The following COMMD10 variants were observed in gnomAD, a reference collection of about 807,000 sequenced individuals.
COMMD10 encodes the protein COMM domain containing 10, also known as COMM domain-containing protein 10.
COMMD10 carries 33 observed loss-of-function variants against 28.9 expected under a neutral mutation model. The observed-to-expected ratio is 1.14, with a 90% CI of 0.87 to 1.53. The LOEUF is 1.53. Among genes scored for constraint, COMMD10 ranks in the 40% most tolerant of loss-of-function variants. The pLI is 0.00. For missense variants in COMMD10, 310 were observed against 233.4 expected (o/e 1.33, Z -2.14); for synonymous variants, 110 against 81.7 (o/e 1.35, Z -1.87).
intron 4 of COMMD10, among the ~76,000 whole-genome samples, chr5:116,130,146 TG>T (rs1751817635): frequency 6.6e-6 from 1 of 151,872 alleles, no homozygotes; most frequent in Admixed American, 6.6e-5. Flanking sequence ...TTACTTTCCT[TG>T]TGCATACTCT....
chr5:116,116,744 C>T (rs1751249373), intron 4 of COMMD10, among the ~76,000 whole-genome samples: 1 of 145,754 alleles, frequency 6.9e-6, no homozygotes. Context: ...CGGAGTCTCG[C>T]TCTGTCGCCC....
In COMMD10 at chr5:116,127,555, A is replaced by T. The variant is rs181828554; in HGVS notation, c.400-6513A>T. ...TTTCCGTCAATGATAGACTGGATTAAGAAAATGTGGCACATATACACCATG... is the reference window on the plus strand; with the variant it reads ...TTTCCGTCAATGATAGACTGGATTATGAAAATGTGGCACATATACACCATG... On this transcript the variant is annotated intron_variant, in intron 4 of 6. Coordinates refer to ENST00000274458, the MANE Select transcript of COMMD10 (RefSeq NM_016144.4). Among the ~76,000 whole-genome samples, 40 of 152,300 alleles carry T rather than the reference A, an allele frequency of 2.6e-4. 1 individual carries two copies. In the South Asian group the frequency reaches 3.9e-3, roughly 15 times the overall value.
intron 5 of COMMD10, among the ~76,000 whole-genome samples, chr5:116,255,139 T>C (rs968084514): frequency 6.6e-6 from 1 of 151,800 alleles, no homozygotes; most frequent in African/African-American, 2.4e-5. Context: ...TTTTTTGTTT[T>C]CCATTTGCTT....
chr5:116,239,972 G>A (rs995091705), intron 5 of COMMD10, among the ~76,000 whole-genome samples: 2 of 152,072 alleles, frequency 1.3e-5, no homozygotes, highest in South Asian at 2.1e-4. Flanking sequence ...CAGAATGGCC[G>A]GTGGTAGTCT....
At chr5:116,187,989 T>C (rs1748197287) in intron 5 of COMMD10, among the ~76,000 whole-genome samples, 1 of 152,204 alleles carries the variant, frequency 6.6e-6, no homozygotes, top group Admixed American at 6.5e-5. Context: ...TTTTCAAGTA[T>C]ATAGATTCAG....
chr5:116,287,649 C>G (rs1318440375), intron 5 of COMMD10, among the ~76,000 whole-genome samples: 1 of 151,560 alleles, frequency 6.6e-6, no homozygotes, highest in East Asian at 1.9e-4. Flanking sequence ...TTTCCTCTCT[C>G]ATTGCCTTTC....
chr5:116,088,494 G>A (rs1167647434), intron 2 of COMMD10, among the ~76,000 whole-genome samples: 3 of 152,052 alleles, frequency 2.0e-5, no homozygotes, highest in African/African-American at 4.8e-5. Flanking sequence ...AGTGTTCAAA[G>A]CCATCAGTGA....
chr5:116,148,223 ACTTC>A (rs1168732276), intron 5 of COMMD10, among the ~76,000 whole-genome samples: 2 of 151,828 alleles, frequency 1.3e-5, no homozygotes, highest in Admixed American at 6.6e-5. Context: ...TTGCTGAGAG[ACTTC>A]CTTTTTCAGG....
rs562332928 is a variant in COMMD10 at position 116,169,071 on chromosome 5, C to T, written c.510+34893C>T. 3.3e-5 allele frequency among the ~76,000 whole-genome samples: 5 copies of T among 151,998 alleles called. No homozygotes were observed. The South Asian group carries it at 6.2e-4, about 19-fold the overall frequency. On this transcript the variant is annotated intron_variant, in intron 5 of 6. Coordinates refer to ENST00000274458, the MANE Select transcript of COMMD10 (RefSeq NM_016144.4). ...ATCAATGAATCCAGGAGCTGTTTTT[C>T]TGAAAAGAATTAACAAAATAGACCT...
intron 5 of COMMD10, among the ~76,000 whole-genome samples, chr5:116,191,401 T>A (rs946896236): frequency 2.0e-5 from 3 of 151,118 alleles, no homozygotes; most frequent in African/African-American, 7.3e-5. Flanking sequence ...TGGGGCAAGT[T>A]TTCAAGCCTG....
chr5:116,171,764 G>C (rs1431006835), intron 5 of COMMD10, among the ~76,000 whole-genome samples: 1 of 151,848 alleles, frequency 6.6e-6, no homozygotes, highest in Non-Finnish European at 1.5e-5. Flanking sequence ...CACTCATAAG[G>C]GGGAGTTGAA....
intron 5 of COMMD10, among the ~76,000 whole-genome samples, chr5:116,170,293 A>G (rs1753279192): frequency 6.6e-6 from 1 of 152,192 alleles, no homozygotes; most frequent in African/African-American, 2.4e-5. Context: ...GATGTGAAAG[A>G]CCTCTTCAAG....
At chr5:116,180,239 G>A (rs777969626) in intron 5 of COMMD10, among the ~76,000 whole-genome samples, 4 of 151,942 alleles carry the variant, frequency 2.6e-5, no homozygotes, top group Non-Finnish European at 4.4e-5. Context: ...GGAATAATAC[G>A]TACATTCAGG....
At chr5:116,234,158 T>G (rs1749599279) in intron 5 of COMMD10, among the ~76,000 whole-genome samples, 1 of 152,050 alleles carries the variant, frequency 6.6e-6, no homozygotes, top group African/African-American at 2.4e-5. Flanking sequence ...GCTATGGAAG[T>G]CAGGTGACAG....
chr5:116,121,833 G>T (rs567045397), intron 4 of COMMD10, among the ~76,000 whole-genome samples: 1 of 152,196 alleles, frequency 6.6e-6, no homozygotes, highest in African/African-American at 2.4e-5. Flanking sequence ...GGGGTTATTT[G>T]TTTTTTTCTT....
chr5:116,236,962 AT>A (rs1325939950), intron 5 of COMMD10, among the ~76,000 whole-genome samples: 1 of 152,072 alleles, frequency 6.6e-6, no homozygotes, highest in Non-Finnish European at 1.5e-5. Context: ...TCTAAAATAG[AT>A]TTTTTTAAAA....
Position 116,101,724 on chromosome 5 carries a change from T to C in COMMD10, c.399+9024T>C, listed in dbSNP as rs1750672342. On this transcript the variant is annotated intron_variant, in intron 4 of 6. Coordinates refer to ENST00000274458, the MANE Select transcript of COMMD10 (RefSeq NM_016144.4). The stretch of plus-strand genomic sequence containing the variant: ...CAGGCGTGAGCCACTGCGCCCGGAC[T>C]TTCTTCACTTTTTAATAGCCATTCT... 3.3e-5 allele frequency among the ~76,000 whole-genome samples: 5 copies of C among 152,212 alleles called. No homozygotes were observed. The South Asian group carries it at 1.0e-3, about 32-fold the overall frequency.
chr5:116,097,398 G>A (rs1305580323), intron 4 of COMMD10, among the ~76,000 whole-genome samples: 1 of 152,102 alleles, frequency 6.6e-6, no homozygotes, highest in African/African-American at 2.4e-5. Flanking sequence ...GTTTATACAT[G>A]TACTTATAAA....
intron 4 of COMMD10, among the ~76,000 whole-genome samples, chr5:116,123,875 C>G (rs1364972442): frequency 6.6e-6 from 1 of 151,964 alleles, no homozygotes; most frequent in Non-Finnish European, 1.5e-5. Context: ...TTATAGTATT[C>G]TCTGATGGTA....
Sources: allele counts gnomAD v4.1 joint callset (sites outside exome capture counted in the v4.1 genomes callset), GRCh38; gene constraint gnomAD v4.1.1; transcripts MANE v1.5; gene names NCBI Gene and HGNC (gene_info 2026-07-23, HGNC 2026-07-21).